NRG3: variants seen among roughly 807,000 people sequenced by gnomAD.
The protein encoded by NRG3 is pro-neuregulin-3, membrane-bound isoform.
A neutral mutation model predicts 66.9 loss-of-function variants in NRG3; 31 were observed. The ratio of observed to expected loss-of-function variants is 0.46; its 90% confidence interval spans 0.35 to 0.63. The LOEUF (loss-of-function observed/expected upper bound fraction) is 0.63. Among genes scored for constraint, NRG3 ranks in the 20% least tolerant of loss-of-function variants. The probability of loss-of-function intolerance (pLI) is 0.00; values close to 1 mark genes in which losing one functional copy is unlikely to be tolerated. For synonymous variants in NRG3, 393 were observed against 359.4 expected (o/e 1.09, Z -1.06); for missense variants, 910 against 878.9 (o/e 1.04, Z -0.45).
chr10:81,967,536 T>G (rs2059776634), intron 1 of NRG3, among the ~76,000 whole-genome samples: 1 of 152,166 alleles, frequency 6.6e-6, no homozygotes, highest in South Asian at 2.1e-4. Context: ...TAGATCAAAT[T>G]ATTAATTGCA....
chr10:82,309,845 T>A lies in NRG3; in HGVS notation c.824-48894T>A, dbSNP rs533395878. On this transcript the variant is annotated intron_variant, in intron 1 of 8. Coordinates refer to ENST00000372141, the MANE Select transcript of NRG3 (RefSeq NM_001010848.4). The stretch of plus-strand genomic sequence containing the variant: ...TCTAAGCCAACATGTAAACTCAGCA[T>A]CTGCCAATGCAATTTCTCCCAATAC... Among the ~76,000 whole-genome samples, 18 of 152,318 alleles carry A rather than the reference T, an allele frequency of 1.2e-4. No homozygotes were observed. The South Asian group carries it at 3.7e-3, about 32-fold the overall frequency.
At chr10:82,134,939 A>T (rs1327276413) in intron 1 of NRG3, among the ~76,000 whole-genome samples, 1 of 151,986 alleles carries the variant, frequency 6.6e-6, no homozygotes, top group Non-Finnish European at 1.5e-5. Flanking sequence ...CCCAGCCAAC[A>T]TGGTGAAACC....
At chr10:82,503,061 A>T (rs1421081081) in intron 2 of NRG3, among the ~76,000 whole-genome samples, 1 of 136,216 alleles carries the variant, frequency 7.3e-6, no homozygotes, top group Non-Finnish European at 1.5e-5. Context: ...AATGGAAATA[A>T]CAGTTTCATT....
chr10:82,498,258 G>C (rs1216275342), intron 2 of NRG3, among the ~76,000 whole-genome samples: 3 of 151,990 alleles, frequency 2.0e-5, no homozygotes, highest in Admixed American at 2.0e-4. Context: ...ATAAACAAGG[G>C]TGATTTTTTT....
At chr10:82,619,239 T>C (rs2048873081) in intron 2 of NRG3, among the ~76,000 whole-genome samples, 1 of 152,132 alleles carries the variant, frequency 6.6e-6, no homozygotes, top group African/African-American at 2.4e-5. Context: ...AAAAAAGTTT[T>C]CTCTAGAAAG....
At chr10:82,946,736 A>G (rs947557869) in intron 4 of NRG3, among the ~76,000 whole-genome samples, 5 of 152,150 alleles carry the variant, frequency 3.3e-5, no homozygotes, top group Non-Finnish European at 7.4e-5. Context: ...TAAAAATAGA[A>G]TATACACACA....
intron 1 of NRG3, among the ~76,000 whole-genome samples, chr10:81,894,835 G>A (rs1361483096): frequency 6.6e-6 from 1 of 152,082 alleles, no homozygotes; most frequent in East Asian, 1.9e-4. Flanking sequence ...CTGCACCTGG[G>A]CCTTGCGACA....
intron 4 of NRG3, among the ~76,000 whole-genome samples, chr10:82,887,623 A>T (rs1591834121): frequency 6.6e-6 from 1 of 152,216 alleles, no homozygotes; most frequent in East Asian, 1.9e-4. Context: ...GTGAAGCTAA[A>T]TCCACTGTAT....
chr10:81,951,935 T>C (rs1589573467), intron 1 of NRG3, among the ~76,000 whole-genome samples: 1 of 152,138 alleles, frequency 6.6e-6, no homozygotes, highest in African/African-American at 2.4e-5. Flanking sequence ...TGGAATACTA[T>C]GCAGCCATAA....
intron 4 of NRG3, among the ~76,000 whole-genome samples, chr10:82,938,306 T>C (rs1848269016): frequency 6.6e-6 from 1 of 152,220 alleles, no homozygotes; most frequent in South Asian, 2.1e-4. Flanking sequence ...TGCTGGAAAT[T>C]CAGATCTGCT....
chr10:81,971,865 A>G (rs1289577321), intron 1 of NRG3, among the ~76,000 whole-genome samples: 2 of 152,252 alleles, frequency 1.3e-5, no homozygotes, highest in Non-Finnish European at 2.9e-5. Context: ...ACATTATGAC[A>G]GAAGCATAGA....
intron 1 of NRG3, among the ~76,000 whole-genome samples, chr10:82,202,634 G>T (rs2074900448): frequency 6.6e-6 from 1 of 152,130 alleles, no homozygotes. Flanking sequence ...TTTTCCTGTG[G>T]TCGGAATGCT....
intron 1 of NRG3, among the ~76,000 whole-genome samples, chr10:82,163,757 G>A (rs1041910961): frequency 6.6e-6 from 1 of 152,060 alleles, no homozygotes; most frequent in African/African-American, 2.4e-5. Context: ...AAGGTAGGCC[G>A]TGGTTGATCT....
intron 2 of NRG3, among the ~76,000 whole-genome samples, chr10:82,615,829 G>A (rs1265758700): frequency 6.6e-6 from 1 of 152,146 alleles, no homozygotes; most frequent in Admixed American, 6.6e-5. Flanking sequence ...AGGAGAGACA[G>A]GTAAGACGTA....
At chr10:82,490,747 C>T (rs1446767821) in intron 2 of NRG3, among the ~76,000 whole-genome samples, 2 of 152,096 alleles carry the variant, frequency 1.3e-5, no homozygotes, top group Non-Finnish European at 2.9e-5. Context: ...TCCCTCAAAA[C>T]CTGCTTCACC....
At chr10:81,895,666 T>G (rs1245757303) in intron 1 of NRG3, among the ~76,000 whole-genome samples, 3 of 152,124 alleles carry the variant, frequency 2.0e-5, no homozygotes, top group African/African-American at 7.2e-5. Context: ...CGTGGGAGTG[T>G]GTGTTGTAGG....
At chr10:81,970,240 A>G (rs1301448118) in intron 1 of NRG3, among the ~76,000 whole-genome samples, 4 of 152,214 alleles carry the variant, frequency 2.6e-5, no homozygotes, top group Admixed American at 6.5e-5. Flanking sequence ...TGCATATAGC[A>G]TAGTAAATGT....
intron 2 of NRG3, among the ~76,000 whole-genome samples, chr10:82,431,565 G>A (rs1162828704): frequency 6.6e-6 from 1 of 152,094 alleles, no homozygotes; most frequent in African/African-American, 2.4e-5. Context: ...TTCTTTTAGG[G>A]AGGAGTAGGT....
At chr10:81,923,599 A>G (rs1206098699) in intron 1 of NRG3, among the ~76,000 whole-genome samples, 2 of 151,982 alleles carry the variant, frequency 1.3e-5, no homozygotes, top group African/African-American at 4.8e-5. Flanking sequence ...TTTCTCCTCC[A>G]TTTTCCCACA....
Sources: gnomAD v4.1 joint callset for allele counts (sites outside exome capture counted in the v4.1 genomes callset) on GRCh38, gnomAD v4.1.1 for gene constraint, MANE v1.5 for transcripts, NCBI Gene and HGNC (gene_info 2026-07-23, HGNC 2026-07-21) for gene names.